CAMK2G: variants seen among roughly 807,000 people sequenced by gnomAD.
CAMK2G encodes calcium/calmodulin dependent protein kinase II gamma, also known as calcium/calmodulin-dependent protein kinase type II subunit gamma.
CAMK2G carries 23 observed loss-of-function variants against 88.7 expected under a neutral mutation model. The observed-to-expected ratio is 0.26, with a 90% confidence interval of 0.19 to 0.37. CAMK2G has a LOEUF of 0.37. Among genes scored for constraint, CAMK2G ranks in the 10% least tolerant of loss-of-function variants. The probability of loss-of-function intolerance (pLI) is 1.00; values close to 1 mark genes in which losing one functional copy is unlikely to be tolerated. For synonymous variants in CAMK2G, 263 were observed against 294.8 expected, an observed-to-expected ratio of 0.89 and a Z score of 1.11; for missense variants, 476 against 780.8, an observed-to-expected ratio of 0.61 and a Z score of 4.65.
In CAMK2G at chr10:73,814,374, T is replaced by C. The variant is rs1331361614; in HGVS notation, c.*144A>G. On this transcript the variant is annotated 3_prime_UTR_variant, in exon 23 of 23. Coordinates refer to ENST00000423381, the MANE Select transcript of CAMK2G (RefSeq NM_001367534.1). ...GGCGGGAGGGCTGCATGCAGGGGCG[T>C]GCATTGGCTGCTGCCGCTTTTGTAA... 6.6e-6 allele frequency: 1 copy of C among 152,380 alleles called. No individual in the cohort carries two copies. The highest frequency in any genetic ancestry group is 1.9e-4 in the East Asian group (1 of 5,180). The allele number at this position is 152,380 out of a possible 1,614,324, so 9.4% of individuals were successfully genotyped here.
intron 14 of CAMK2G, among the ~76,000 whole-genome samples, chr10:73,829,508 C>G (rs2091976524): frequency 6.6e-6 from 1 of 151,918 alleles, no homozygotes; most frequent in Non-Finnish European, 1.5e-5. Flanking sequence ...CCATGTTGGC[C>G]AGGCTGGTCT....
At chr10:73,869,981 C>CTGTAGTAATATGGGGGAAATGCTT (rs1302523109) in intron 2 of CAMK2G, among the ~76,000 whole-genome samples, 1 of 152,032 alleles carries the variant, frequency 6.6e-6, no homozygotes, top group Admixed American at 6.6e-5. Flanking sequence ...TGCCCTTCAA[C>CTGTAGTAATATGGGGGAAATGCTT]TGTAGTAATA....
At chr10:73,840,130 G>C (rs2093658058) in intron 12 of CAMK2G, among the ~76,000 whole-genome samples, 1 of 151,994 alleles carries the variant, frequency 6.6e-6, no homozygotes, top group Admixed American at 6.5e-5. Flanking sequence ...TTTACTGGTG[G>C]GCCCCAGCTC....
Position 73,839,397 on chromosome 10 carries a change from G to C in CAMK2G, c.1009+142C>G. On this transcript the variant is annotated intron_variant, in intron 13 of 22. Coordinates refer to ENST00000423381, the MANE Select transcript of CAMK2G (RefSeq NM_001367534.1). The surrounding 1 kb of genome is among the most constrained non-coding windows in gnomAD (Gnocchi z 4.2). Reference sequence around the variant, plus strand: ...ACAACGATGCGCTTGCAGATGCCAAGTTAGGTAGTCTGTCTGGCATGCCCA... The same window carrying C: ...ACAACGATGCGCTTGCAGATGCCAACTTAGGTAGTCTGTCTGGCATGCCCA... The C allele has an allele frequency of 2.3e-6, 1 of 427,812 alleles. No individual in the cohort carries two copies. The highest frequency in any genetic ancestry group is 3.9e-6 in the Non-Finnish European group (1 of 254,026). The allele number at this position is 427,812 out of a possible 1,614,324, so 26.5% of individuals were successfully genotyped here.
rs566426631 is a variant in CAMK2G at position 73,874,148 on chromosome 10, G to A, written c.65+249C>T. Among the ~76,000 whole-genome samples the A allele has an allele frequency of 2.0e-4, 30 of 150,568 alleles. No homozygotes were observed. The South Asian group carries it at 2.5e-3, about 13-fold the overall frequency. ...GCGGGGCTGGAGGGCACCCGGGAGC[G>A]GTCCGGGGTCTGCGGTGTCCGCGGC... is the stretch of plus-strand genomic sequence containing the variant. On this transcript the variant is annotated intron_variant, in intron 1 of 22. Transcript: ENST00000423381.
chr10:73,866,205 C>T (rs566230879), intron 2 of CAMK2G, among the ~76,000 whole-genome samples: 114 of 152,224 alleles, frequency 7.5e-4, no homozygotes, highest in Non-Finnish European at 1.3e-3. Context: ...CAAGGTGCCA[C>T]GATTTCACAG....
intron 14 of CAMK2G, among the ~76,000 whole-genome samples, chr10:73,828,722 A>T (rs1018096989): frequency 2.6e-5 from 4 of 152,230 alleles, no homozygotes; most frequent in African/African-American, 9.7e-5. Context: ...ACAATATTTG[A>T]ATTTTTTATT....
intron 10 of CAMK2G, among the ~76,000 whole-genome samples, chr10:73,844,761 T>C (rs981707600): frequency 5.9e-5 from 9 of 152,132 alleles, no homozygotes; most frequent in African/African-American, 2.2e-4. Flanking sequence ...CCTCAATGCC[T>C]AGCTCCCCAT....
chr10:73,869,625 C>G (rs753455227), intron 2 of CAMK2G, among the ~76,000 whole-genome samples: 1 of 152,198 alleles, frequency 6.6e-6, no homozygotes, highest in Non-Finnish European at 1.5e-5. Context: ...GGCTGGCATA[C>G]GTCAGGCACT....
chr10:73,836,332 C>T (rs1191707364), intron 14 of CAMK2G, among the ~76,000 whole-genome samples: 2 of 152,196 alleles, frequency 1.3e-5, no homozygotes, highest in African/African-American at 4.8e-5. Flanking sequence ...CACACCCCCT[C>T]TTACACCTCT....
At chr10:73,847,484 G>T in intron 9 of CAMK2G, 137 bp from the exon 10 acceptor site, 9 of 877,020 alleles carry the variant, frequency 1.0e-5, no homozygotes, top group Non-Finnish European at 1.6e-5. Context: ...AGTTGGAGAA[G>T]CCCTGCGGCT....
chr10:73,852,239 G>C lies in CAMK2G; in HGVS notation c.341+15C>G. ...ACTCCAGAGCTACATTTGAACTCTCGGGCCCTCATCCTACCTGGCATCTGC... is the reference window on the plus strand; with the variant it reads ...ACTCCAGAGCTACATTTGAACTCTCCGGCCCTCATCCTACCTGGCATCTGC... On this transcript the variant is annotated intron_variant, in intron 5 of 22. Transcript: ENST00000423381. 6.2e-7 allele frequency: 1 copy of C among 1,608,476 alleles called. No homozygotes were observed. The highest frequency in any genetic ancestry group is 8.5e-7 in the Non-Finnish European group (1 of 1,174,932).
chr10:73,821,828 G>C, intron 17 of CAMK2G, 98 bp from the exon 18 acceptor site: 1 of 957,196 alleles, frequency 1.0e-6, no homozygotes, highest in Non-Finnish European at 1.6e-6. Context: ...TACAAGAGGT[G>C]CAAGGAGGAA....
intron 16 of CAMK2G, among the ~76,000 whole-genome samples, 180 bp downstream of exon 16, chr10:73,825,099 C>G (rs2090456011): frequency 6.6e-6 from 1 of 152,228 alleles, no homozygotes; most frequent in Non-Finnish European, 1.5e-5. Context: ...CGGGATGGAG[C>G]GCGGCCAGGC....
At chr10:73,819,729 C>G (rs2087132116) in intron 18 of CAMK2G, 84 bp from the exon 19 acceptor site, 2 of 835,786 alleles carry the variant, frequency 2.4e-6, no homozygotes, top group Admixed American at 2.6e-5. Flanking sequence ...GCAAGCCAGA[C>G]AGGCCCCGAG....
Position 73,860,858 on chromosome 10 carries a change from T to G in CAMK2G, c.192A>C (p.Ile64=), listed in dbSNP as rs1309378526. 6.2e-7 allele frequency: 1 copy of G among 1,613,694 alleles called. No individual in the cohort carries two copies. The highest frequency in any genetic ancestry group is 8.5e-7 in the Non-Finnish European group (1 of 1,179,708). The change falls in exon 3 of 23, where the codon ATA becomes ATC. Residue 64 remains isoleucine, a synonymous_variant. Coordinates refer to ENST00000423381, the MANE Select transcript of CAMK2G (RefSeq NM_001367534.1). The part of the protein sequence containing the change: ...DHQKLEREAR[I]CRLLKHPNIV... The stretch of plus-strand genomic sequence containing the variant: ...TGTTTGGATGTTTCAGAAGTCGACA[T>G]ATCCGAGCCTCACGTTCTAGTTTCT...
intron 10 of CAMK2G, chr10:73,846,200 G>T (rs552862725): frequency 6.6e-6 from 1 of 152,124 alleles, no homozygotes; most frequent in Non-Finnish European, 1.5e-5. Flanking sequence ...GCAGAAACTT[G>T]TATGTCAGGG....
At chr10:73,864,652 C>CT (rs1323508529) in intron 2 of CAMK2G, among the ~76,000 whole-genome samples, 4 of 151,482 alleles carry the variant, frequency 2.6e-5, no homozygotes, top group East Asian at 1.9e-4. Flanking sequence ...GTTTTTTTTG[C>CT]TTTTTTTTGA....
At chr10:73,843,362 C>T (rs545227396) in intron 10 of CAMK2G, among the ~76,000 whole-genome samples, 8 of 152,188 alleles carry the variant, frequency 5.3e-5, no homozygotes, top group African/African-American at 1.7e-4. Context: ...CACTGTGCCC[C>T]GCCTTTTTTG....
Sources: allele counts gnomAD v4.1 joint callset (sites outside exome capture counted in the v4.1 genomes callset), GRCh38; gene constraint gnomAD v4.1.1; non-coding constraint Gnocchi (gnomAD v3.1); transcripts MANE v1.5; gene names NCBI Gene and HGNC (gene_info 2026-07-23, HGNC 2026-07-21).